The following ATP8B1 variants were observed in gnomAD, a reference collection of about 807,000 sequenced individuals.
ATP8B1 encodes the protein phospholipid-transporting ATPase IC.
A neutral mutation model predicts 149.9 loss-of-function variants in ATP8B1; 80 were observed. That is an observed-to-expected ratio of 0.53 (90% confidence interval 0.45 to 0.64). The LOEUF is 0.64. Among genes scored for constraint, ATP8B1 ranks in the 30% least tolerant of loss-of-function variants. ATP8B1 has a pLI of 0.00. For synonymous variants in ATP8B1, 536 were observed against 562.8 expected (o/e 0.95, Z 0.67); for missense variants, 1,247 against 1,552.6 (o/e 0.80, Z 3.31).
chr18:57,725,206 C>G (rs1225507920), intron 2 of ATP8B1, among the ~76,000 whole-genome samples: 4 of 138,864 alleles, frequency 2.9e-5, no homozygotes, highest in African/African-American at 1.1e-4. Flanking sequence ...ACATATGTAA[C>G]TAACCTGCAC....
intron 1 of ATP8B1, among the ~76,000 whole-genome samples, chr18:57,778,209 T>C (rs2080324313): frequency 6.7e-6 from 1 of 149,670 alleles, no homozygotes; most frequent in Non-Finnish European, 1.5e-5. Flanking sequence ...ATTTATAATC[T>C]CAGTTTCTTT....
chr18:57,747,378 G>A (rs967919638), intron 1 of ATP8B1, among the ~76,000 whole-genome samples: 3 of 151,746 alleles, frequency 2.0e-5, no homozygotes, highest in Non-Finnish European at 4.4e-5. Context: ...GCTTGAACCC[G>A]GGAGGTGGAG....
intron 2 of ATP8B1, among the ~76,000 whole-genome samples, chr18:57,711,674 C>T (rs1007154056): frequency 2.0e-5 from 3 of 152,112 alleles, no homozygotes; most frequent in African/African-American, 7.2e-5. Flanking sequence ...CTCACTGCAG[C>T]CTCTGAACTC....
At chr18:57,773,448 A>C (rs2080281541) in intron 1 of ATP8B1, among the ~76,000 whole-genome samples, 1 of 152,140 alleles carries the variant, frequency 6.6e-6, no homozygotes, top group Non-Finnish European at 1.5e-5. Context: ...GGGAGGAAAA[A>C]CATTGAAAAA....
chr18:57,687,627 G>A (rs1170337939), intron 13 of ATP8B1, among the ~76,000 whole-genome samples: 1 of 152,030 alleles, frequency 6.6e-6, no homozygotes, highest in Non-Finnish European at 1.5e-5. Context: ...ATTGATGAAC[G>A]CTTGGGTTGC....
chr18:57,766,778 A>G (rs1471244568), intron 1 of ATP8B1, among the ~76,000 whole-genome samples: 1 of 152,196 alleles, frequency 6.6e-6, no homozygotes, highest in Non-Finnish European at 1.5e-5. Context: ...AGCAGTTTCA[A>G]TCAAGTGTGC....
chr18:57,784,457 T>C lies in ATP8B1; in HGVS notation c.-26+18541A>G, dbSNP rs935866520. Among the ~76,000 whole-genome samples, 4 of 151,842 alleles carry C rather than the reference T, an allele frequency of 2.6e-5. No homozygotes were observed. Among genetic ancestry groups the C allele is most frequent in the African/African-American group, 4.8e-5 (2 of 41,330 alleles). On this transcript the variant is annotated intron_variant, in intron 1 of 27. Coordinates refer to ENST00000648908, the MANE Select transcript of ATP8B1 (RefSeq NM_001374385.1). This position sits in a 1 kb window ranked among gnomAD's most constrained non-coding sequence, Gnocchi z 4.4. ...GGCAGCGGAGATAGAGGTTATCAGG[T>C]GGAGTCAAGGTCTTCCAGAGGTAGA...
At chr18:57,733,083 C>T (rs540061791) in intron 1 of ATP8B1, among the ~76,000 whole-genome samples, 9 of 152,222 alleles carry the variant, frequency 5.9e-5, no homozygotes, top group African/African-American at 9.6e-5. Flanking sequence ...GAGCATCTAC[C>T]GCATAAGATG....
chr18:57,782,201 C>T (rs1308931188), intron 1 of ATP8B1, among the ~76,000 whole-genome samples: 1 of 152,168 alleles, frequency 6.6e-6, no homozygotes, highest in Non-Finnish European at 1.5e-5. Context: ...GCCCTGCTGT[C>T]TATAGAATTT....
intron 24 of ATP8B1, among the ~76,000 whole-genome samples, chr18:57,653,121 T>G (rs1379781297): frequency 6.6e-6 from 1 of 152,192 alleles, no homozygotes; most frequent in East Asian, 1.9e-4. Flanking sequence ...TTATTACTTT[T>G]TAGTCTTTAT....
At chr18:57,659,963 G>C (rs975503954) in intron 22 of ATP8B1, 3 of 152,140 alleles carry the variant, frequency 2.0e-5, no homozygotes, top group Non-Finnish European at 4.4e-5. Context: ...ATAATAATAC[G>C]ACAGAGCTGG....
chr18:57,767,438 T>C (rs190865859), intron 1 of ATP8B1, among the ~76,000 whole-genome samples: 1 of 152,130 alleles, frequency 6.6e-6, no homozygotes, highest in Non-Finnish European at 1.5e-5. Context: ...GATCAGCAGT[T>C]GCACTAGCCT....
intron 15 of ATP8B1, among the ~76,000 whole-genome samples, chr18:57,683,381 C>T (rs1051590344): frequency 1.3e-5 from 2 of 152,184 alleles, no homozygotes; most frequent in Non-Finnish European, 2.9e-5. Context: ...ATCATTATGT[C>T]CATTTGTGAT....
chr18:57,648,709 G>A lies in ATP8B1; in HGVS notation c.3535C>T (p.Gln1179Ter). The A allele has an allele frequency of 6.4e-7, 1 of 1,552,292 alleles. No homozygotes were observed. The highest frequency in any genetic ancestry group is 8.7e-7 in the Non-Finnish European group (1 of 1,148,328). ...GCCTTCAACCGCTTGCGATGCTTCT[G>A]GATCTGCAAGGGGGAGAGATGGGGA... ...TIWPSESDKI[Q>*]KHRKRLKAEE... Residue 1179 changes from glutamine to a stop codon, truncating the protein, a stop_gained, in exon 28 of 28, where the codon CAG (glutamine) becomes TAG (stop). Transcript: ENST00000648908. LOFTEE classifies it high-confidence loss of function.
chr18:57,705,435 T>C (rs934359774), intron 3 of ATP8B1, among the ~76,000 whole-genome samples: 1 of 152,212 alleles, frequency 6.6e-6, no homozygotes, highest in Non-Finnish European at 1.5e-5. Flanking sequence ...TGGGATCTTA[T>C]TTGGAAATAG....
At chr18:57,718,609 G>A (rs943653539) in intron 2 of ATP8B1, among the ~76,000 whole-genome samples, 8 of 152,154 alleles carry the variant, frequency 5.3e-5, no homozygotes, top group African/African-American at 1.9e-4. Context: ...GAATGTTGAT[G>A]CAAAAATCCT....
Position 57,666,553 on chromosome 18 carries a change from G to T in ATP8B1, c.2285+539C>A, listed in dbSNP as rs185407530. 3.2e-4 allele frequency among the ~76,000 whole-genome samples: 45 copies of T among 141,106 alleles called. No homozygotes were observed. The East Asian group carries it at 7.3e-3, about 23-fold the overall frequency. The allele number at this position is 141,106 out of a possible 152,430, so 92.6% of individuals were successfully genotyped here. A position where few individuals can be genotyped will look rare whatever the true frequency, so the allele number is the denominator to read the frequency against. On this transcript the variant is annotated intron_variant, in intron 20 of 27. Transcript: ENST00000648908. The stretch of plus-strand genomic sequence containing the variant: ...ACCGAGTTTTTTTTTTTTTTTTAAT[G>T]AGACAGAGTTTCACTCTTGTCACCT...
In ATP8B1 at chr18:57,695,201, C is replaced by T. The variant is rs372749108; in HGVS notation, c.910G>A (p.Asp304Asn). 45 of 1,614,006 alleles carry T rather than the reference C, an allele frequency of 2.8e-5. No homozygotes were observed. The East Asian group carries it at 6.7e-4, about 24-fold the overall frequency. The change falls in exon 10 of 28, where the codon GAT (aspartate) becomes AAT (asparagine). Residue 304 changes from aspartate (D) to asparagine (N), a missense_variant. Asp to Asn is a conservative substitution (Grantham distance 23, BLOSUM62 1). Coordinates refer to ENST00000648908, the MANE Select transcript of ATP8B1 (RefSeq NM_001374385.1). ...LLRGCVIRNT[D>N]FCHGLVIFAG... The stretch of plus-strand genomic sequence containing the variant: ...AAAATGACTAAGCCGTGGCAGAAAT[C>T]GGTGTTCCTAATTACACAGCCACGT...
intron 1 of ATP8B1, among the ~76,000 whole-genome samples, chr18:57,734,804 A>C (rs1329223189): frequency 1.3e-5 from 2 of 152,134 alleles, no homozygotes; most frequent in Non-Finnish European, 2.9e-5. Flanking sequence ...TTTCAGTAGC[A>C]AGCACAAGCA....
Sources: allele counts gnomAD v4.1 joint callset (sites outside exome capture counted in the v4.1 genomes callset), GRCh38; gene constraint gnomAD v4.1.1; non-coding constraint Gnocchi (gnomAD v3.1); transcripts MANE v1.5; gene names NCBI Gene and HGNC (gene_info 2026-07-23, HGNC 2026-07-21).